Variants in NWD2 observed in about 807,000 individuals in gnomAD.
NWD2 encodes the protein NACHT and WD repeat domain-containing protein 2.
Under a neutral mutation model 132.7 loss-of-function variants are expected in NWD2, and 37 were observed. The ratio of observed to expected loss-of-function variants is 0.28; its 90% CI spans 0.21 to 0.37. The LOEUF (loss-of-function observed/expected upper bound fraction) is 0.37, where lower values mean the gene tolerates loss of function less well. Ranked by LOEUF, NWD2 falls within the 10% of genes least tolerant of loss-of-function variation. The pLI, the probability that NWD2 is intolerant of heterozygous loss-of-function variation, is 1.00. For missense variants in NWD2, 1,592 were observed against 2,122.4 expected (o/e 0.75, Z 4.91); for synonymous variants, 705 against 803.0 (o/e 0.88, Z 2.06).
chr4:37,421,932 G>GAATA (rs1258949894), intron 3 of NWD2, among the ~76,000 whole-genome samples: 1 of 152,188 alleles, frequency 6.6e-6, no homozygotes, highest in African/African-American at 2.4e-5. Context: ...TTTCAGACTA[G>GAATA]AATAAGGACC....
chr4:37,404,135 T>C (rs1720949432), intron 3 of NWD2, among the ~76,000 whole-genome samples: 1 of 152,206 alleles, frequency 6.6e-6, no homozygotes, highest in Non-Finnish European at 1.5e-5. Flanking sequence ...ATTTTGAACT[T>C]CAAAGTTATG....
At chr4:37,287,300 C>T (rs1718254896) in intron 1 of NWD2, among the ~76,000 whole-genome samples, 1 of 152,238 alleles carries the variant, frequency 6.6e-6, no homozygotes, top group Non-Finnish European at 1.5e-5. Flanking sequence ...ACCAGCACCA[C>T]AGCTGTAGCT....
At chr4:37,416,228 C>G (rs1358227035) in intron 3 of NWD2, among the ~76,000 whole-genome samples, 1 of 152,182 alleles carries the variant, frequency 6.6e-6, no homozygotes, top group African/African-American at 2.4e-5. Context: ...GAACTAGGAT[C>G]CACAGGCGCC....
intron 3 of NWD2, among the ~76,000 whole-genome samples, chr4:37,397,032 G>A (rs1029055351): frequency 2.4e-5 from 1 of 41,148 alleles, no homozygotes; most frequent in Middle Eastern, 7.6e-3. Flanking sequence ...AAACTCTGTT[G>A]CAAAAAAAAA....
intron 3 of NWD2, among the ~76,000 whole-genome samples, chr4:37,399,098 TG>T (rs1720857096): frequency 6.6e-6 from 1 of 152,262 alleles, no homozygotes; most frequent in Non-Finnish European, 1.5e-5. Flanking sequence ...TCTTTTTAAA[TG>T]GCGGCTTGTG....
At chr4:37,249,439 T>C (rs1447898742) in intron 1 of NWD2, among the ~76,000 whole-genome samples, 2 of 152,220 alleles carry the variant, frequency 1.3e-5, no homozygotes, top group African/African-American at 4.8e-5. Context: ...CCAGTCATTG[T>C]CAGCAGTGGG....
chr4:37,359,127 A>T (rs1313790175), intron 3 of NWD2, among the ~76,000 whole-genome samples: 1 of 152,190 alleles, frequency 6.6e-6, no homozygotes, highest in African/African-American at 2.4e-5. Flanking sequence ...ATTAGACATG[A>T]CTATGAATTC....
chr4:37,361,619 T>G (rs1224092341), intron 3 of NWD2, among the ~76,000 whole-genome samples: 1 of 152,016 alleles, frequency 6.6e-6, no homozygotes, highest in Non-Finnish European at 1.5e-5. Context: ...AAGCTTTTGA[T>G]AAACATTCCT....
intron 1 of NWD2, among the ~76,000 whole-genome samples, chr4:37,267,088 G>A (rs1331060632): frequency 6.6e-6 from 1 of 151,920 alleles, no homozygotes; most frequent in Non-Finnish European, 1.5e-5. Flanking sequence ...CAAAACTCAT[G>A]TGGTCATAAA....
chr4:37,251,807 A>C (rs77275589), intron 1 of NWD2, among the ~76,000 whole-genome samples: 2 of 152,198 alleles, frequency 1.3e-5, no homozygotes, highest in African/African-American at 4.8e-5. Flanking sequence ...CAACACCAAG[A>C]GATAGTATCT....
At position 37,445,204 on chromosome 4, in the gene NWD2, T is replaced by C; in HGVS notation, c.3216T>C (p.Leu1072=). 1 of 1,551,930 alleles carries C rather than the reference T, an allele frequency of 6.4e-7. No homozygotes were observed. The highest frequency in any genetic ancestry group is 8.7e-7 in the Non-Finnish European group (1 of 1,147,052). Reference sequence around the variant, plus strand: ...TTACACTGTCCGCCAACCACGCCCTTGCATGGCTCGAAGCCAGCAAAGATG... The same window carrying C: ...TTACACTGTCCGCCAACCACGCCCTCGCATGGCTCGAAGCCAGCAAAGATG... ...NGFTLSANHA[L]AWLEASKDVT... Residue 1072 remains leucine, a synonymous_variant, in exon 7 of 7, where the codon CTT becomes CTC. Coordinates refer to ENST00000309447, the MANE Select transcript of NWD2 (RefSeq NM_001144990.2). The surrounding 1 kb of genome is among the most constrained non-coding windows in gnomAD (Gnocchi z 4.7).
At chr4:37,350,613 A>G (rs926073402) in intron 2 of NWD2, among the ~76,000 whole-genome samples, 1 of 152,160 alleles carries the variant, frequency 6.6e-6, no homozygotes, top group Non-Finnish European at 1.5e-5. Flanking sequence ...TAAATATACA[A>G]TTATGTCATC....
chr4:37,353,920 G>C (rs1405528327), intron 2 of NWD2, among the ~76,000 whole-genome samples: 1 of 151,844 alleles, frequency 6.6e-6, no homozygotes, highest in African/African-American at 2.4e-5. Flanking sequence ...TGGAGGAGAA[G>C]AGGCGTTCAG....
intron 3 of NWD2, among the ~76,000 whole-genome samples, chr4:37,388,032 G>A (rs550557953): frequency 6.6e-6 from 1 of 152,242 alleles, no homozygotes; most frequent in South Asian, 2.1e-4. Flanking sequence ...GCAACTTGCT[G>A]AACCAATCTG....
intron 4 of NWD2, among the ~76,000 whole-genome samples, chr4:37,432,875 C>A (rs1268936129): frequency 6.6e-6 from 1 of 152,092 alleles, no homozygotes; most frequent in Admixed American, 6.5e-5. Flanking sequence ...TGGACCTGTT[C>A]ATTGAGTAGA....
rs188149424 is a variant in NWD2, at chr4:37,309,020, G to T, written c.152-16916G>T. Among the ~76,000 whole-genome samples the T allele has an allele frequency of 7.2e-5, 11 of 152,342 alleles. No individual in the cohort carries two copies. In the East Asian group the frequency reaches 2.1e-3, roughly 29 times the overall value. On this transcript the variant is annotated intron_variant, in intron 1 of 6. Coordinates refer to ENST00000309447, the MANE Select transcript of NWD2 (RefSeq NM_001144990.2). ...ACAGTCCTCAGGCCCTCAGATGGGGGATTGCATGAGAGAGCACAGGAGCTC... is the reference window on the plus strand; with the variant it reads ...ACAGTCCTCAGGCCCTCAGATGGGGTATTGCATGAGAGAGCACAGGAGCTC...
chr4:37,325,958 G>T lies in NWD2; in HGVS notation c.174G>T (p.Ala58=). The T allele has an allele frequency of 6.5e-7, 1 of 1,547,432 alleles. No individual in the cohort carries two copies. Among genetic ancestry groups the T allele is most frequent in the Admixed American group, 2.0e-5 (1 of 50,880 alleles). The change falls in exon 2 of 7, where the codon GCG becomes GCT. Residue 58 remains alanine (A), a synonymous_variant. Coordinates refer to ENST00000309447, the MANE Select transcript of NWD2 (RefSeq NM_001144990.2). ...NPEDTGAERQ[A]LRENVYPKLR... The stretch of plus-strand genomic sequence containing the variant: ...CAGATACGGGAGCAGAAAGACAGGC[G>T]CTAAGAGAAAATGTATATCCTAAAC...
rs538268189 is a variant in NWD2, at chr4:37,351,650, T to A, written c.241-4716T>A. Among the ~76,000 whole-genome samples, 13 of 152,172 alleles carry A rather than the reference T, an allele frequency of 8.5e-5. No homozygotes were observed. The South Asian group carries it at 2.7e-3, about 32-fold the overall frequency. ...CAGCTCCTGGATTCATTGATTTTTTTAAGAGTTTTTCTTGTCTCTATCTCC... is the reference window on the plus strand; with the variant it reads ...CAGCTCCTGGATTCATTGATTTTTTAAAGAGTTTTTCTTGTCTCTATCTCC... On this transcript the variant is annotated intron_variant, in intron 2 of 6. Coordinates refer to ENST00000309447, the MANE Select transcript of NWD2 (RefSeq NM_001144990.2).
chr4:37,358,389 T>C (rs1451958643), intron 3 of NWD2, among the ~76,000 whole-genome samples: 1 of 152,092 alleles, frequency 6.6e-6, no homozygotes, highest in Non-Finnish European at 1.5e-5. Context: ...AACAGTGTCC[T>C]GTGGCCTGAA....
Sources: allele counts gnomAD v4.1 joint callset (sites outside exome capture counted in the v4.1 genomes callset), GRCh38; gene constraint gnomAD v4.1.1; non-coding constraint Gnocchi (gnomAD v3.1); transcripts MANE v1.5; gene names NCBI Gene and HGNC (gene_info 2026-07-23, HGNC 2026-07-21).